The following UGT1A5 variants were observed in gnomAD, a reference collection of about 807,000 sequenced individuals.
UGT1A5 encodes UDP-glucuronosyltransferase 1A5.
A neutral mutation model predicts 40.3 loss-of-function variants in UGT1A5; 29 were observed. That is an observed-to-expected ratio of 0.72 (90% CI 0.54 to 0.98). The LOEUF is 0.98. Among genes scored for constraint, UGT1A5 ranks in the 50% least tolerant of loss-of-function variants. UGT1A5 has a pLI of 0.00. For synonymous variants in UGT1A5, 257 were observed against 262.5 expected (o/e 0.98, Z 0.20); for missense variants, 678 against 677.9 (o/e 1.00, Z 0.00).
rs530894832 is a variant in UGT1A5, at chr2:233,736,505, A to T, written c.867+22647A>T. 2.0e-5 allele frequency among the ~76,000 whole-genome samples: 3 copies of T among 152,320 alleles called. No individual in the cohort carries two copies. The East Asian group carries it at 5.8e-4, about 29-fold the overall frequency. On this transcript the variant is annotated intron_variant, in intron 1 of 4. Transcript: ENST00000373414. ...TGTTACTACCAAACTTCTGAAGCCT[A>T]CTTCTGTCAACTCGTCAAAGTCATT... is the stretch of plus-strand genomic sequence containing the variant.
intron 1 of UGT1A5, among the ~76,000 whole-genome samples, chr2:233,720,226 G>C (rs989732732): frequency 6.6e-6 from 1 of 152,194 alleles, no homozygotes; most frequent in Non-Finnish European, 1.5e-5. Flanking sequence ...CATGTGATCA[G>C]AGAATGAAAC....
chr2:233,772,602 G>A lies in UGT1A5; in HGVS notation c.*43G>A. 6.3e-7 allele frequency: 1 copy of A among 1,589,502 alleles called. No individual in the cohort carries two copies. Among genetic ancestry groups the A allele is most frequent in the Non-Finnish European group, 8.6e-7 (1 of 1,167,066 alleles). On this transcript the variant is annotated 3_prime_UTR_variant, in exon 5 of 5. Transcript: ENST00000373414. The stretch of plus-strand genomic sequence containing the variant: ...AGGTAAAATTTTGAACCATTCCCTA[G>A]TCATTTCCAAACTTGAAAACAGAAT...
intron 1 of UGT1A5, among the ~76,000 whole-genome samples, chr2:233,748,613 G>C (rs1489441058): frequency 6.6e-6 from 1 of 151,820 alleles, no homozygotes; most frequent in South Asian, 2.1e-4. Flanking sequence ...AGCAACGAAC[G>C]TGGGATATAT....
chr2:233,743,768 G>C lies in UGT1A5; in HGVS notation c.868-23266G>C, dbSNP rs1559387872. The C allele has an allele frequency of 2.9e-6, 4 of 1,367,228 alleles. No individual in the cohort carries two copies. In the African/African-American group the frequency reaches 5.9e-5, roughly 20 times the overall value. 84.7% of individuals were successfully genotyped at this position (1,367,228 alleles called of 1,614,324 possible). A position where few individuals can be genotyped will look rare whatever the true frequency, so the allele number is the denominator to read the frequency against. ...GTCCGACAACACCTCGTAGGCCTCGGCCACCTGCTTGAATCTCCTCTCCGC... is the reference window on the plus strand; with the variant it reads ...GTCCGACAACACCTCGTAGGCCTCGCCCACCTGCTTGAATCTCCTCTCCGC... On this transcript the variant is annotated intron_variant, in intron 1 of 4. Coordinates refer to ENST00000373414, the MANE Select transcript of UGT1A5 (RefSeq NM_019078.2).
intron 1 of UGT1A5, chr2:233,729,894 G>A (rs2077943725): frequency 1.9e-6 from 3 of 1,613,848 alleles, no homozygotes; most frequent in East Asian, 4.5e-5. Context: ...CTGTGTGGCT[G>A]TTCCGAGGGG....
chr2:233,767,167 T>C lies in UGT1A5; in HGVS notation c.999+2T>C. ...GCTTTGGGCAAAATCCCTCAGACAG[T>C]AAGAAGATTCTATACCATGGCCTCA... On this transcript the variant is annotated splice_donor_variant, in intron 2 of 4. Coordinates refer to ENST00000373414, the MANE Select transcript of UGT1A5 (RefSeq NM_019078.2). LOFTEE classifies it high-confidence loss of function. The C allele has an allele frequency of 2.5e-6, 4 of 1,614,068 alleles. No homozygotes were observed. The highest frequency in any genetic ancestry group is 3.4e-6 in the Non-Finnish European group (4 of 1,180,002).
intron 1 of UGT1A5, chr2:233,747,118 C>G: frequency 6.9e-7 from 1 of 1,458,022 alleles, no homozygotes. Flanking sequence ...TGATGATTTG[C>G]TAAGTGGCTC....
chr2:233,756,239 T>C (rs1242345996), intron 1 of UGT1A5: 1 of 152,226 alleles, frequency 6.6e-6, no homozygotes, highest in East Asian at 1.9e-4. Context: ...ACAACCCTCC[T>C]TCCCCATACC....
At chr2:233,727,451 G>A (rs2077618164) in intron 1 of UGT1A5, among the ~76,000 whole-genome samples, 1 of 152,150 alleles carries the variant, frequency 6.6e-6, no homozygotes, top group African/African-American at 2.4e-5. Flanking sequence ...GAAATCAGAT[G>A]ACTTCACTGT....
At chr2:233,713,902 A>G in intron 1 of UGT1A5, 44 bp downstream of exon 1, 1 of 1,612,946 alleles carries the variant, frequency 6.2e-7, no homozygotes, top group South Asian at 1.1e-5. Flanking sequence ...CAGGCAAAAC[A>G]CTTTTTAAAA....
chr2:233,719,467 A>G (rs1275256399), intron 1 of UGT1A5: 3 of 1,613,820 alleles, frequency 1.9e-6, no homozygotes, highest in South Asian at 1.1e-5. Flanking sequence ...AACATGCTCT[A>G]CCCTCTGGCC....
intron 1 of UGT1A5, among the ~76,000 whole-genome samples, chr2:233,739,970 G>A (rs887253377): frequency 6.6e-5 from 10 of 151,810 alleles, no homozygotes; most frequent in Admixed American, 4.6e-4. Flanking sequence ...GAATCATATC[G>A]GCAGTTTTCC....
chr2:233,760,805 A>C (rs1464812223), intron 1 of UGT1A5: 1 of 1,613,342 alleles, frequency 6.2e-7, no homozygotes, highest in Admixed American at 1.7e-5. Context: ...TTCTTCTTGC[A>C]TGCACTGCCA....
chr2:233,768,582 CTTTTTTTT>C (rs139595073), intron 4 of UGT1A5, 143 bp downstream of exon 4: 33 of 1,033,056 alleles, frequency 3.2e-5, no homozygotes, highest in Middle Eastern at 4.0e-4. Context: ...TTTATTTCTT[CTTTTTTTT>C]TTTTTTTTTT....
At chr2:233,758,385 T>C (rs1230615266) in intron 1 of UGT1A5, among the ~76,000 whole-genome samples, 2 of 152,262 alleles carry the variant, frequency 1.3e-5, no homozygotes, top group Admixed American at 6.5e-5. Flanking sequence ...TGGTGACTTA[T>C]GTGTTTATAG....
rs1319041279 is a variant in UGT1A5 at position 233,750,932 on chromosome 2, G to C, written c.868-16102G>C. Among the ~76,000 whole-genome samples the C allele has an allele frequency of 2.6e-5, 4 of 151,980 alleles. No homozygotes were observed. The East Asian group carries it at 7.7e-4, about 29-fold the overall frequency. ...AAGGGTGGTAAAGAAATGTGAGGTT[G>C]GAGCCCCCACACAGAGTCTCCACTG... On this transcript the variant is annotated intron_variant, in intron 1 of 4. Coordinates refer to ENST00000373414, the MANE Select transcript of UGT1A5 (RefSeq NM_019078.2).
In UGT1A5 at chr2:233,723,736, A is replaced by ACGAG. The variant is rs2077123858; in HGVS notation, c.867+9880_867+9883dup. 4.0e-5 allele frequency among the ~76,000 whole-genome samples: 3 copies of ACGAG among 75,838 alleles called. No homozygotes were observed. The South Asian group carries it at 1.9e-3, about 47-fold the overall frequency. 49.8% of individuals were successfully genotyped at this position (75,838 alleles called of 152,430 possible). ...GATTAGGGATTGGTGATGACTCTTA[A>ACGAG]CGAGCATGCTGCCTTCAAGCATCTG... On this transcript the variant is annotated intron_variant, in intron 1 of 4. Transcript: ENST00000373414.
Position 233,767,315 on chromosome 2 carries a change from T to C in UGT1A5, c.999+150T>C, listed in dbSNP as rs1407711365. 9 of 1,492,214 alleles carry C rather than the reference T, an allele frequency of 6.0e-6. No individual in the cohort carries two copies. The East Asian group carries it at 1.9e-4, about 32-fold the overall frequency. The allele number at this position is 1,492,214 out of a possible 1,614,324, so 92.4% of individuals were successfully genotyped here. A position where few individuals can be genotyped will look rare whatever the true frequency, so the allele number is the denominator to read the frequency against. The stretch of plus-strand genomic sequence containing the variant: ...ACTATTAATCCAAAGGTTTTTTTTG[T>C]TGTTGTGGTTGTTGTCATTGTTTTC... On this transcript the variant is annotated intron_variant, in intron 2 of 4. Coordinates refer to ENST00000373414, the MANE Select transcript of UGT1A5 (RefSeq NM_019078.2).
chr2:233,750,218 A>C (rs1694391813), intron 1 of UGT1A5, among the ~76,000 whole-genome samples: 1 of 151,876 alleles, frequency 6.6e-6, no homozygotes, highest in South Asian at 2.1e-4. Context: ...TCTCAGATGG[A>C]GATGAGGAAC....
Sources: gnomAD v4.1 joint callset for allele counts (sites outside exome capture counted in the v4.1 genomes callset) on GRCh38, gnomAD v4.1.1 for gene constraint, MANE v1.5 for transcripts, NCBI Gene and HGNC (gene_info 2026-07-23, HGNC 2026-07-21) for gene names.